Variants in OR2L13 observed in about 807,000 individuals in gnomAD.
The protein encoded by OR2L13 is olfactory receptor 2L13.
In OR2L13, 14 loss-of-function variants were observed where a neutral mutation model predicts 15.3. The ratio of observed to expected loss-of-function variants is 0.91; its 90% CI spans 0.60 to 1.43. The LOEUF (loss-of-function observed/expected upper bound fraction) is 1.43, where lower values mean the gene tolerates loss of function less well. Among genes scored for constraint, OR2L13 ranks in the 40% most tolerant of loss-of-function variants. The pLI, the probability that OR2L13 is intolerant of heterozygous loss-of-function variation, is 0.00. For missense variants in OR2L13, 367 were observed against 387.9 expected (o/e 0.95, Z 0.45); for synonymous variants, 152 against 142.9 (o/e 1.06, Z -0.45).
chr1:247,995,590 A>G, the OR2L13 span, among the ~76,000 whole-genome samples: 71 of 152,382 alleles, frequency 4.7e-4, 1 homozygote, highest in South Asian at 0.014. Flanking sequence ...AATATTTTCT[A>G]TATCAGATTT....
chr1:248,083,184 G>C, the OR2L13 span, among the ~76,000 whole-genome samples: 1 of 151,968 alleles, frequency 6.6e-6, no homozygotes, highest in African/African-American at 2.4e-5. Context: ...CTTTGGTGGA[G>C]TCCTCATATT....
chr1:247,938,363 CATA>C, the OR2L13 span, among the ~76,000 whole-genome samples: 1 of 152,008 alleles, frequency 6.6e-6, no homozygotes, highest in African/African-American at 2.4e-5. Context: ...TTTTACAACT[CATA>C]ATAATACCTA....
the OR2L13 span, among the ~76,000 whole-genome samples, chr1:248,030,397 G>A: frequency 6.6e-6 from 1 of 152,154 alleles, no homozygotes; most frequent in Non-Finnish European, 1.5e-5. Context: ...ATTGGAGTAT[G>A]AAATGCAGGC....
At chr1:248,078,956 C>T in the OR2L13 span, among the ~76,000 whole-genome samples, 1 of 152,018 alleles carries the variant, frequency 6.6e-6, no homozygotes, top group Non-Finnish European at 1.5e-5. Flanking sequence ...GATCATTGGT[C>T]TCCAGACGTT....
chr1:247,968,384 G>T, the OR2L13 span, among the ~76,000 whole-genome samples: 1 of 152,034 alleles, frequency 6.6e-6, no homozygotes, highest in Non-Finnish European at 1.5e-5. Context: ...TAGGGTACAT[G>T]TGCACACTGT....
At chr1:248,087,560 C>T in the OR2L13 span, 1 of 152,142 alleles carries the variant, frequency 6.6e-6, no homozygotes, top group East Asian at 1.9e-4. Flanking sequence ...GGGTTGAGTA[C>T]AAATGTTTGC....
At chr1:248,067,021 T>G in the OR2L13 span, among the ~76,000 whole-genome samples, 2 of 152,226 alleles carry the variant, frequency 1.3e-5, no homozygotes, top group Non-Finnish European at 2.9e-5. Context: ...AAGGGCTTAA[T>G]GTCAGGGAGC....
chr1:248,042,249 A>G, the OR2L13 span: 2 of 151,648 alleles, frequency 1.3e-5, no homozygotes, highest in East Asian at 3.9e-4. Flanking sequence ...CTAAACTATC[A>G]CAAGAACAAA....
chr1:248,023,830 G>C, the OR2L13 span: 1 of 152,108 alleles, frequency 6.6e-6, no homozygotes, highest in Admixed American at 6.6e-5. Flanking sequence ...AAGGAAGGTA[G>C]AATGAACAAG....
At chr1:248,010,266 C>T in the OR2L13 span, among the ~76,000 whole-genome samples, 35 of 152,016 alleles carry the variant, frequency 2.3e-4, no homozygotes, top group Non-Finnish European at 3.8e-4. Flanking sequence ...TTTAGGGAAC[C>T]GCATAGTCTC....
the OR2L13 span, chr1:248,083,563 C>T: frequency 9.5e-7 from 1 of 1,047,904 alleles, no homozygotes; most frequent in Non-Finnish European, 1.4e-6. Context: ...TCATGAACTA[C>T]TAAAGGGAGA....
the OR2L13 span, among the ~76,000 whole-genome samples, chr1:247,985,614 G>A: frequency 0.077 from 11,710 of 152,078 alleles, 535 homozygotes; most frequent in East Asian, 0.18. Context: ...TAATCCTTTG[G>A]TTATATACGC....
the OR2L13 span, chr1:248,038,168 C>A: frequency 8.7e-6 from 7 of 803,958 alleles, no homozygotes; most frequent in Non-Finnish European, 1.4e-5. Flanking sequence ...TTTCAGGCAT[C>A]CACTGGGAGT....
chr1:248,075,769 G>A, the OR2L13 span, among the ~76,000 whole-genome samples: 2 of 152,140 alleles, frequency 1.3e-5, no homozygotes, highest in Admixed American at 1.3e-4. Flanking sequence ...TGTCAGATGG[G>A]TAGATTGCAA....
chr1:248,083,310 A>G, the OR2L13 span, among the ~76,000 whole-genome samples: 1 of 152,176 alleles, frequency 6.6e-6, no homozygotes, highest in Admixed American at 6.5e-5. Flanking sequence ...TAATATTTCC[A>G]CGCTATGTGA....
At chr1:247,971,636 A>G in the OR2L13 span, among the ~76,000 whole-genome samples, 5 of 152,180 alleles carry the variant, frequency 3.3e-5, no homozygotes, top group Admixed American at 3.3e-4. Flanking sequence ...TTTTCTGCAT[A>G]TGGCTAGACT....
exon 3 of OR2L13, chr1:248,099,814 T>A: frequency 6.2e-7 from 1 of 1,614,146 alleles, no homozygotes; most frequent in Non-Finnish European, 8.5e-7. Flanking sequence ...GATTGGAGGC[T>A]CTTGGACACT....
the OR2L13 span, among the ~76,000 whole-genome samples, chr1:248,059,487 G>T: frequency 6.6e-6 from 1 of 152,124 alleles, no homozygotes; most frequent in African/African-American, 2.4e-5. Flanking sequence ...ATTTGGTAAG[G>T]CATCTGCTTT....
the OR2L13 span, among the ~76,000 whole-genome samples, chr1:248,025,914 A>G: frequency 3.4e-5 from 5 of 147,204 alleles, no homozygotes; most frequent in Non-Finnish European, 7.4e-5. Context: ...ACACATGGAC[A>G]TAGGAAGGGG....
Sources: gnomAD v4.1 joint callset for allele counts (sites outside exome capture counted in the v4.1 genomes callset) on GRCh38, gnomAD v4.1.1 for gene constraint, MANE v1.5 for transcripts, NCBI Gene and HGNC (gene_info 2026-07-23, HGNC 2026-07-21) for gene names.